ADGRB3: variants seen among roughly 807,000 people sequenced by gnomAD.
ADGRB3 encodes the protein brain-specific angiogenesis inhibitor 3.
A neutral mutation model predicts 193.4 loss-of-function variants in ADGRB3; 37 were observed. The ratio of observed to expected loss-of-function variants is 0.19; its 90% CI spans 0.15 to 0.25. The LOEUF is 0.25. ADGRB3 is among the 10% of genes least tolerant of loss of function. ADGRB3 has a pLI of 1.00. For synonymous variants in ADGRB3, 690 were observed against 644.2 expected (o/e 1.07, Z -1.08); for missense variants, 1,637 against 1,852.9 (o/e 0.88, Z 2.14).
chr6:68,636,958 CAA>C (rs34410124), intron 1 of ADGRB3, among the ~76,000 whole-genome samples: 27,241 of 119,464 alleles, frequency 0.23, 3,298 homozygotes, highest in Non-Finnish European at 0.32. Context: ...AGTGCAACAC[CAA>C]AAAAAAAAAA....
At chr6:68,908,881 G>A (rs1015500996) in intron 3 of ADGRB3, among the ~76,000 whole-genome samples, 3 of 152,066 alleles carry the variant, frequency 2.0e-5, no homozygotes, top group East Asian at 1.9e-4. Context: ...GACATCAGCC[G>A]AGCTGACAAG....
At chr6:68,796,623 A>T (rs1236484988) in intron 3 of ADGRB3, among the ~76,000 whole-genome samples, 1 of 152,182 alleles carries the variant, frequency 6.6e-6, no homozygotes, top group Admixed American at 6.6e-5. Flanking sequence ...GGTCTCTGTT[A>T]TCTTGGTGAC....
intron 17 of ADGRB3, among the ~76,000 whole-genome samples, chr6:69,125,416 A>G (rs2150331852): frequency 6.6e-6 from 1 of 152,194 alleles, no homozygotes; most frequent in South Asian, 2.1e-4. Flanking sequence ...GAGTATGAGG[A>G]GGTGGGGACT....
chr6:69,360,636 T>C (rs1393743249), intron 28 of ADGRB3, among the ~76,000 whole-genome samples: 1 of 151,930 alleles, frequency 6.6e-6, no homozygotes, highest in African/African-American at 2.4e-5. Context: ...CTTTCAGATT[T>C]GCTTTAGCTA....
chr6:68,640,280 G>A (rs556596441), intron 3 of ADGRB3, among the ~76,000 whole-genome samples: 2 of 152,182 alleles, frequency 1.3e-5, no homozygotes, highest in African/African-American at 2.4e-5. Flanking sequence ...GGGAAAGGAG[G>A]GGGAGGAAGT....
chr6:69,117,456 C>G (rs1178475313), intron 17 of ADGRB3, among the ~76,000 whole-genome samples: 1 of 152,096 alleles, frequency 6.6e-6, no homozygotes, highest in Non-Finnish European at 1.5e-5. Flanking sequence ...ATTTCTTTGT[C>G]TTTAAGCAGA....
chr6:69,010,521 A>G (rs1769900030), intron 11 of ADGRB3, among the ~76,000 whole-genome samples: 1 of 152,098 alleles, frequency 6.6e-6, no homozygotes. Flanking sequence ...AGCACTTGCC[A>G]TGCATCAGAT....
chr6:68,761,459 A>G (rs1343022011), intron 3 of ADGRB3, among the ~76,000 whole-genome samples: 1 of 151,172 alleles, frequency 6.6e-6, no homozygotes, highest in African/African-American at 2.4e-5. Context: ...GTTACTACAT[A>G]TTTCTTTGTA....
chr6:69,297,368 T>TCTCTCTCTCTCTCTCTCTCTC (rs1767846054), intron 20 of ADGRB3, among the ~76,000 whole-genome samples: 3 of 97,610 alleles, frequency 3.1e-5, no homozygotes, highest in African/African-American at 7.9e-5. Context: ...CTCTCTCTCT[T>TCTCTCTCTCTCTCTCTCTCTC]TCTCTCTCTC....
At chr6:68,991,599 T>C (rs1323488213) in intron 10 of ADGRB3, among the ~76,000 whole-genome samples, 2 of 147,990 alleles carry the variant, frequency 1.4e-5, no homozygotes, top group Non-Finnish European at 3.0e-5. Context: ...ACAAAGGCCC[T>C]GAGATATGCA....
chr6:69,057,838 A>C (rs1375459000), intron 15 of ADGRB3, among the ~76,000 whole-genome samples: 1 of 151,928 alleles, frequency 6.6e-6, no homozygotes, highest in Non-Finnish European at 1.5e-5. Context: ...GTTTGCTAGC[A>C]TTTTGTTGAG....
At chr6:69,246,620 G>A (rs11966055) in intron 20 of ADGRB3, among the ~76,000 whole-genome samples, 2,698 of 152,282 alleles carry the variant, frequency 0.018, 78 homozygotes, top group African/African-American at 0.061. Context: ...GATTTGTGTG[G>A]TAAAAGCCAG....
intron 3 of ADGRB3, among the ~76,000 whole-genome samples, chr6:68,814,885 C>A (rs1192103467): frequency 1.3e-5 from 2 of 152,068 alleles, no homozygotes; most frequent in African/African-American, 2.4e-5. Flanking sequence ...ACGACAAAAA[C>A]CACATGATTA....
intron 11 of ADGRB3, among the ~76,000 whole-genome samples, chr6:69,002,491 A>G (rs1702756153): frequency 1.3e-5 from 2 of 152,166 alleles, no homozygotes; most frequent in Non-Finnish European, 2.9e-5. Context: ...TGCTGGGATT[A>G]TAGGCATGAA....
intron 17 of ADGRB3, among the ~76,000 whole-genome samples, chr6:69,185,245 A>G (rs574925744): frequency 1.3e-5 from 2 of 152,264 alleles, no homozygotes; most frequent in Admixed American, 6.5e-5. Context: ...TCATATTGAA[A>G]AAAATGCAGG....
At chr6:68,678,723 G>A (rs1764820993) in intron 3 of ADGRB3, among the ~76,000 whole-genome samples, 1 of 151,968 alleles carries the variant, frequency 6.6e-6, no homozygotes, top group Non-Finnish European at 1.5e-5. Context: ...TGTGTGAATT[G>A]CTCATATTCA....
chr6:69,316,884 G>A (rs2127303364), intron 20 of ADGRB3, among the ~76,000 whole-genome samples: 1 of 151,482 alleles, frequency 6.6e-6, no homozygotes, highest in East Asian at 1.9e-4. Flanking sequence ...TTGGTTGGTT[G>A]GTTGAACATA....
intron 11 of ADGRB3, among the ~76,000 whole-genome samples, chr6:69,013,820 G>A (rs1381101536): frequency 6.6e-6 from 1 of 151,960 alleles, no homozygotes; most frequent in Non-Finnish European, 1.5e-5. Flanking sequence ...TCCCTATTCT[G>A]ACCTCCTCTG....
At chr6:68,921,598 C>A (rs1257128474) in intron 3 of ADGRB3, among the ~76,000 whole-genome samples, 1 of 152,084 alleles carries the variant, frequency 6.6e-6, no homozygotes, top group Non-Finnish European at 1.5e-5. Flanking sequence ...TTAGGAGACC[C>A]TCTTCAAGTA....
Sources: gnomAD v4.1 joint callset for allele counts (sites outside exome capture counted in the v4.1 genomes callset) on GRCh38, gnomAD v4.1.1 for gene constraint, MANE v1.5 for transcripts, NCBI Gene and HGNC (gene_info 2026-07-23, HGNC 2026-07-21) for gene names.